The following APBB1IP variants were observed in gnomAD, a reference collection of about 807,000 sequenced individuals.
APBB1IP encodes amyloid beta precursor protein binding family B member 1 interacting protein, also known as amyloid beta A4 precursor protein-binding family B member 1-interacting protein.
Under a neutral mutation model 64.9 loss-of-function variants are expected in APBB1IP, and 27 were observed. That is an observed-to-expected ratio of 0.42 (90% CI 0.31 to 0.57). APBB1IP has a LOEUF of 0.57. Among genes scored for constraint, APBB1IP ranks in the 20% least tolerant of loss-of-function variants. The probability of loss-of-function intolerance (pLI) is 0.20; values close to 1 mark genes in which losing one functional copy is unlikely to be tolerated. For synonymous variants in APBB1IP, 392 were observed against 331.0 expected, an observed-to-expected ratio of 1.18 and a Z score of -2.00; for missense variants, 812 against 845.5, an observed-to-expected ratio of 0.96 and a Z score of 0.49.
chr10:26,484,885 A>G (rs1835873630), intron 2 of APBB1IP, among the ~76,000 whole-genome samples: 1 of 152,236 alleles, frequency 6.6e-6, no homozygotes, highest in Non-Finnish European at 1.5e-5. Flanking sequence ...GAAATAATTA[A>G]GATAGAAAAC....
chr10:26,500,391 C>G (rs1396953645), intron 4 of APBB1IP, among the ~76,000 whole-genome samples: 3 of 152,196 alleles, frequency 2.0e-5, no homozygotes, highest in African/African-American at 7.2e-5. Flanking sequence ...GCAGTACTCT[C>G]TTTGCCCTCC....
chr10:26,498,880 G>A (rs144966567), intron 4 of APBB1IP, among the ~76,000 whole-genome samples: 7 of 152,290 alleles, frequency 4.6e-5, no homozygotes, highest in East Asian at 1.9e-4. Context: ...CTACTGCTAC[G>A]TATGGAAAAT....
At position 26,567,029 on chromosome 10, in the gene APBB1IP, C is replaced by A; in HGVS notation, c.1542C>A (p.Ser514=). 6.4e-7 allele frequency: 1 copy of A among 1,557,154 alleles called. No individual in the cohort carries two copies. Among genetic ancestry groups the A allele is most frequent in the Non-Finnish European group, 8.6e-7 (1 of 1,162,676 alleles). Residue 514 remains serine (S), a synonymous_variant, in exon 15 of 15, where the codon TCC becomes TCA. Coordinates refer to ENST00000376236, the MANE Select transcript of APBB1IP (RefSeq NM_019043.4). ...CCCGGGCCCCGCACGCCCCCAAGTC[C>A]AGCCTGCCCCCGCCCCCTCCGGTGC... The part of the protein sequence containing the change: ...AVPRAPHAPK[S]SLPPPPPVRR...
intron 11 of APBB1IP, among the ~76,000 whole-genome samples, chr10:26,551,954 GA>G (rs1836836691): frequency 6.6e-6 from 1 of 152,062 alleles, no homozygotes; most frequent in African/African-American, 2.4e-5. Flanking sequence ...TGGATGGATG[GA>G]TGGATGGATG....
intron 11 of APBB1IP, among the ~76,000 whole-genome samples, chr10:26,552,419 G>A (rs1255301141): frequency 1.3e-5 from 2 of 151,936 alleles, no homozygotes; most frequent in African/African-American, 4.8e-5. Flanking sequence ...GCAACATAGG[G>A]AGACCCCCGT....
At chr10:26,487,083 C>T (rs1315529134) in intron 2 of APBB1IP, among the ~76,000 whole-genome samples, 1 of 150,932 alleles carries the variant, frequency 6.6e-6, no homozygotes, top group African/African-American at 2.5e-5. Flanking sequence ...CTAACTCCAC[C>T]CAGTCACGAT....
At chr10:26,504,465 T>C (rs1192448559) in intron 6 of APBB1IP, among the ~76,000 whole-genome samples, 1 of 152,146 alleles carries the variant, frequency 6.6e-6, no homozygotes, top group East Asian at 1.9e-4. Context: ...ATCCCAACAC[T>C]TTGGGAGGCT....
intron 2 of APBB1IP, among the ~76,000 whole-genome samples, chr10:26,483,025 G>A (rs999014938): frequency 3.4e-5 from 5 of 146,666 alleles, no homozygotes; most frequent in African/African-American, 1.3e-4. Context: ...GGGAGGTGGA[G>A]GTTGCAGTGA....
intron 2 of APBB1IP, among the ~76,000 whole-genome samples, chr10:26,492,082 A>C (rs1588584464): frequency 6.6e-6 from 1 of 152,144 alleles, no homozygotes; most frequent in Non-Finnish European, 1.5e-5. Flanking sequence ...AGACTAGTTT[A>C]GCCTGGAAAA....
chr10:26,560,816 T>A lies in APBB1IP; in HGVS notation c.1341T>A (p.Asn447Lys). ...GGTGGACAAACTTGGGGACAGTCAA[T>A]GCAGCTGCACCAGCTCAGCCATCTA... ...ASRWTNLGTV[N>K]AAAPAQPSTG... The change falls in exon 13 of 15, where the codon AAT (asparagine) becomes AAA (lysine). Residue 447 changes from asparagine to lysine, a missense_variant. Physicochemically the swap from Asn to Lys is moderately conservative, Grantham distance 94. This residue lies in a region of APBB1IP where 381 missense variants were observed against 352.1 expected (regional missense o/e 1.08). Transcript: ENST00000376236. 1 of 1,604,786 alleles carries A rather than the reference T, an allele frequency of 6.2e-7. No individual in the cohort carries two copies. The highest frequency in any genetic ancestry group is 1.1e-5 in the South Asian group (1 of 90,478).
At chr10:26,548,739 T>C (rs1357842082) in intron 11 of APBB1IP, among the ~76,000 whole-genome samples, 3 of 152,216 alleles carry the variant, frequency 2.0e-5, no homozygotes, top group Non-Finnish European at 4.4e-5. Flanking sequence ...ACAGTTTTTT[T>C]GGTGGAGTCT....
At chr10:26,462,686 C>G (rs535927644) in intron 2 of APBB1IP, among the ~76,000 whole-genome samples, 2 of 152,034 alleles carry the variant, frequency 1.3e-5, no homozygotes, top group South Asian at 4.2e-4. Context: ...TGTTGTTTTC[C>G]TATTTTAGGA....
intron 2 of APBB1IP, among the ~76,000 whole-genome samples, chr10:26,460,400 T>G (rs1835575623): frequency 2.0e-5 from 3 of 152,196 alleles, no homozygotes; most frequent in African/African-American, 7.2e-5. Flanking sequence ...CAGCAATGTT[T>G]AGGAGAATAA....
At chr10:26,561,367 C>A (rs1330359153) in intron 13 of APBB1IP, among the ~76,000 whole-genome samples, 3 of 146,556 alleles carry the variant, frequency 2.0e-5, no homozygotes, top group African/African-American at 5.0e-5. Context: ...TGCACCTGGC[C>A]TGTTTTCTTT....
chr10:26,510,914 G>A (rs1283896681), intron 6 of APBB1IP, among the ~76,000 whole-genome samples: 3 of 152,006 alleles, frequency 2.0e-5, no homozygotes, highest in Non-Finnish European at 2.9e-5. Flanking sequence ...CAGTGATACC[G>A]TGTTAACATA....
rs545682782 is a variant in APBB1IP, at chr10:26,560,858, G to A, written c.1369+14G>A. On this transcript the variant is annotated intron_variant, in intron 13 of 14. Coordinates refer to ENST00000376236, the MANE Select transcript of APBB1IP (RefSeq NM_019043.4). ...AGCCATCTACAGGTACTAAGTGGAG[G>A]AGAAATTCCAACACATATTCAAAGC... 1 of 1,562,506 alleles carries A rather than the reference G, an allele frequency of 6.4e-7. No individual in the cohort carries two copies. The highest frequency in any genetic ancestry group is 8.7e-7 in the Non-Finnish European group (1 of 1,153,466).
rs147859953 is a variant in APBB1IP, at chr10:26,466,919, G to C, written c.1-25408G>C. 4.6e-4 allele frequency among the ~76,000 whole-genome samples: 70 copies of C among 151,430 alleles called. No homozygotes were observed. In the East Asian group the frequency reaches 0.013, roughly 28 times the overall value. On this transcript the variant is annotated intron_variant, in intron 2 of 14. Coordinates refer to ENST00000376236, the MANE Select transcript of APBB1IP (RefSeq NM_019043.4). ...CCACTGCATTCCAGCCTGGATGACA[G>C]AGCAAGACCCTATGGAAAAAAAAAA...
chr10:26,484,842 T>C (rs1312818370), intron 2 of APBB1IP, among the ~76,000 whole-genome samples: 1 of 152,182 alleles, frequency 6.6e-6, no homozygotes, highest in Non-Finnish European at 1.5e-5. Context: ...AACAAAGGGG[T>C]ACACATGAAA....
chr10:26,564,005 A>G (rs1029374310), intron 14 of APBB1IP, among the ~76,000 whole-genome samples: 1 of 131,948 alleles, frequency 7.6e-6, no homozygotes, highest in African/African-American at 2.5e-5. Context: ...TGTGAACACC[A>G]ATTCCCAAGC....
Sources: allele counts gnomAD v4.1 joint callset (sites outside exome capture counted in the v4.1 genomes callset), GRCh38; gene constraint gnomAD v4.1.1; regional missense constraint gnomAD v4.1.1; transcripts MANE v1.5; gene names NCBI Gene and HGNC (gene_info 2026-07-23, HGNC 2026-07-21).